Variants in ABCB1 observed in about 807,000 individuals in gnomAD.
ABCB1 encodes the protein ATP binding cassette subfamily B member 1.
Under a neutral mutation model 142.0 loss-of-function variants are expected in ABCB1, and 69 were observed. The observed-to-expected ratio is 0.49, with a 90% CI of 0.40 to 0.59. The LOEUF (loss-of-function observed/expected upper bound fraction) is 0.59, where lower values mean the gene tolerates loss of function less well. Ranked by LOEUF, ABCB1 falls within the 20% of genes least tolerant of loss-of-function variation. The pLI is 0.00. For missense variants in ABCB1, 1,326 were observed against 1,554.7 expected, an observed-to-expected ratio of 0.85 and a Z score of 2.47; for synonymous variants, 532 against 539.2, an observed-to-expected ratio of 0.99 and a Z score of 0.18.
intron 1 of ABCB1, among the ~76,000 whole-genome samples, chr7:87,620,513 C>T (rs777066804): frequency 6.6e-6 from 1 of 152,000 alleles, no homozygotes; most frequent in Non-Finnish European, 1.5e-5. Flanking sequence ...AAAGAGTTTG[C>T]ATTTGAATCC....
chr7:87,573,699 C>T (rs944828287), intron 4 of ABCB1, among the ~76,000 whole-genome samples: 2 of 152,122 alleles, frequency 1.3e-5, no homozygotes. Flanking sequence ...CTTTTGCAAT[C>T]TTGCCACAAT....
chr7:87,697,825 T>A (rs1828628257), intron 1 of ABCB1, among the ~76,000 whole-genome samples: 2 of 152,140 alleles, frequency 1.3e-5, no homozygotes, highest in South Asian at 4.1e-4. Context: ...ACCTAAGTCA[T>A]TTTTTCAAGA....
At chr7:87,537,837 T>C (rs547469300) in intron 19 of ABCB1, among the ~76,000 whole-genome samples, 1 of 152,336 alleles carries the variant, frequency 6.6e-6, no homozygotes. Context: ...ATTTGAAGTA[T>C]GAATTTATAT....
chr7:87,546,452 G>A (rs370284402), intron 14 of ABCB1, among the ~76,000 whole-genome samples: 4 of 152,046 alleles, frequency 2.6e-5, no homozygotes, highest in Admixed American at 6.5e-5. Flanking sequence ...GCTGGGCATG[G>A]TGGCGGGTGC....
chr7:87,575,902 C>T (rs1208473395), intron 4 of ABCB1, among the ~76,000 whole-genome samples: 4 of 152,106 alleles, frequency 2.6e-5, no homozygotes, highest in African/African-American at 4.8e-5. Flanking sequence ...GTGTGAAAAC[C>T]ACTAGCAGAG....
At chr7:87,679,010 A>G (rs1456925626) in intron 1 of ABCB1, among the ~76,000 whole-genome samples, 1 of 151,862 alleles carries the variant, frequency 6.6e-6, no homozygotes, top group Non-Finnish European at 1.5e-5. Flanking sequence ...TAGTAGATCA[A>G]GTAAACAGAA....
At chr7:87,555,532 T>G (rs536295551) in intron 8 of ABCB1, among the ~76,000 whole-genome samples, 1 of 152,302 alleles carries the variant, frequency 6.6e-6, no homozygotes, top group African/African-American at 2.4e-5. Flanking sequence ...ATTACAGAGT[T>G]ACAAAAGCAT....
At chr7:87,534,917 T>TAAAAAAAAA (rs139364527) in intron 20 of ABCB1, among the ~76,000 whole-genome samples, 2 of 91,788 alleles carry the variant, frequency 2.2e-5, no homozygotes, top group African/African-American at 9.4e-5. Context: ...CCTGTCTCTT[T>TAAAAAAAAA]AAAAAAAAAA....
At chr7:87,665,657 C>T (rs954390971) in intron 1 of ABCB1, among the ~76,000 whole-genome samples, 8 of 152,032 alleles carry the variant, frequency 5.3e-5, no homozygotes, top group East Asian at 1.9e-4. Context: ...GAGCATAGTA[C>T]GTGAAAGGTA....
chr7:87,547,705 A>G (rs1396655010), intron 14 of ABCB1, among the ~76,000 whole-genome samples: 1 of 152,068 alleles, frequency 6.6e-6, no homozygotes, highest in African/African-American at 2.4e-5. Context: ...CCCTGTCTTT[A>G]CTAAAAATAC....
chr7:87,504,628 AC>A (rs928842924), intron 27 of ABCB1, among the ~76,000 whole-genome samples, 179 bp from the exon 28 acceptor site: 1 of 152,084 alleles, frequency 6.6e-6, no homozygotes, highest in Non-Finnish European at 1.5e-5. Flanking sequence ...ACACGGTGAA[AC>A]CCCATCTCTA....
At chr7:87,564,120 A>G (rs1402565332) in intron 7 of ABCB1, 2 of 451,696 alleles carry the variant, frequency 4.4e-6, no homozygotes, top group Non-Finnish European at 8.9e-6. Flanking sequence ...CCATGACACA[A>G]GTTTCCTATG....
In ABCB1 at chr7:87,545,714, A is replaced by G. The variant is rs959954680; in HGVS notation, c.1887+149T>C. On this transcript the variant is annotated intron_variant, in intron 15 of 27. Coordinates refer to ENST00000622132, the MANE Select transcript of ABCB1 (RefSeq NM_001348946.2). ...TCCCCTCTTTCAAGAGAGAAAAAAAATCTTAAACACTGGTCTCATCCTGAA... is the reference window on the plus strand; with the variant it reads ...TCCCCTCTTTCAAGAGAGAAAAAAAGTCTTAAACACTGGTCTCATCCTGAA... 1.3e-5 allele frequency: 10 copies of G among 794,514 alleles called. No individual in the cohort carries two copies. In the Admixed American group the frequency reaches 2.1e-4, roughly 17 times the overall value. The allele number at this position is 794,514 out of a possible 1,614,324, so 49.2% of individuals were successfully genotyped here.
At chr7:87,612,071 A>AT (rs1478696537) in intron 1 of ABCB1, among the ~76,000 whole-genome samples, 1 of 152,136 alleles carries the variant, frequency 6.6e-6, no homozygotes, top group Non-Finnish European at 1.5e-5. Context: ...GATTATCTTC[A>AT]TTTTAAAGAA....
intron 1 of ABCB1, among the ~76,000 whole-genome samples, chr7:87,708,437 T>A (rs1829793726): frequency 6.6e-6 from 1 of 152,050 alleles, no homozygotes; most frequent in South Asian, 2.1e-4. Flanking sequence ...TCACCAAAAC[T>A]AACACGAAAA....
chr7:87,518,485 T>C (rs927592935), intron 23 of ABCB1, among the ~76,000 whole-genome samples: 1 of 152,224 alleles, frequency 6.6e-6, no homozygotes, highest in Non-Finnish European at 1.5e-5. Context: ...ATTTGTCCAA[T>C]GTACATCTTT....
chr7:87,666,010 A>G (rs1190076579), intron 1 of ABCB1, among the ~76,000 whole-genome samples: 1 of 152,072 alleles, frequency 6.6e-6, no homozygotes, highest in Admixed American at 6.6e-5. Flanking sequence ...CGGTAATGGG[A>G]TTGCTGGGTC....
At chr7:87,564,484 A>G (rs75828361) in intron 7 of ABCB1, among the ~76,000 whole-genome samples, 5,361 of 152,210 alleles carry the variant, frequency 0.035, 188 homozygotes, top group African/African-American at 0.088. Flanking sequence ...CTGGGAAGAC[A>G]GTCTTGGGCA....
intron 1 of ABCB1, among the ~76,000 whole-genome samples, chr7:87,677,481 A>G (rs1826493887): frequency 6.6e-6 from 1 of 152,166 alleles, no homozygotes; most frequent in Non-Finnish European, 1.5e-5. Context: ...AGTCAAACTT[A>G]TAGTAACAGA....
Sources: allele counts gnomAD v4.1 joint callset (sites outside exome capture counted in the v4.1 genomes callset), GRCh38; gene constraint gnomAD v4.1.1; transcripts MANE v1.5; gene names NCBI Gene and HGNC (gene_info 2026-07-23, HGNC 2026-07-21).